The following PTS variants were observed in gnomAD, a reference collection of about 807,000 sequenced individuals.
The protein encoded by PTS is 6-pyruvoyl tetrahydrobiopterin synthase.
A neutral mutation model predicts 20.6 loss-of-function variants in PTS; 23 were observed. The observed-to-expected ratio is 1.12, with a 90% confidence interval of 0.80 to 1.58. PTS has a LOEUF of 1.58. Ranked by LOEUF, PTS falls within the 40% of genes most tolerant of loss-of-function variation. The pLI, the probability that PTS is intolerant of heterozygous loss-of-function variation, is 0.00. For synonymous variants in PTS, 65 were observed against 62.5 expected (o/e 1.04, Z -0.19); for missense variants, 186 against 182.4 (o/e 1.02, Z -0.11).
chr11:112,232,997 A>G (rs1248016690), intron 4 of PTS, among the ~76,000 whole-genome samples, 166 bp from the exon 5 acceptor site: 1 of 152,214 alleles, frequency 6.6e-6, no homozygotes, highest in Non-Finnish European at 1.5e-5. Context: ...ACTTTATTTT[A>G]CAACTTGAAA....
chr11:112,228,870 C>G, intron 2 of PTS, 197 bp downstream of exon 2: 1 of 615,578 alleles, frequency 1.6e-6, no homozygotes, highest in Admixed American at 2.9e-5. Flanking sequence ...CTTGCAATGT[C>G]AACTCTTACA....
chr11:112,233,609 T>A lies in PTS; in HGVS notation c.*54T>A. On this transcript the variant is annotated 3_prime_UTR_variant, in exon 6 of 6. Coordinates refer to ENST00000280362, the MANE Select transcript of PTS (RefSeq NM_000317.3). ...AGTTTCTTTCTGTGTTTGAAAAAGA[T>A]TTTGATCCCCTTGGAATATTAAGAG... 1.2e-6 allele frequency: 2 copies of A among 1,609,784 alleles called. No homozygotes were observed. The highest frequency in any genetic ancestry group is 8.5e-7 in the Non-Finnish European group (1 of 1,178,340).
At position 112,230,693 on chromosome 11, in the gene PTS, G is replaced by T; in HGVS notation, c.243+11G>T. The T allele has an allele frequency of 6.2e-7, 1 of 1,602,640 alleles. No individual in the cohort carries two copies. The highest frequency in any genetic ancestry group is 8.5e-7 in the Non-Finnish European group (1 of 1,169,618). Reference sequence around the variant, plus strand: ...AAAAAATATATGGAGGTAATGGCATGTTGGGTGCTTATTATGTGCTATTCC... The same window carrying T: ...AAAAAATATATGGAGGTAATGGCATTTTGGGTGCTTATTATGTGCTATTCC... On this transcript the variant is annotated intron_variant, in intron 4 of 5. Transcript: ENST00000280362.
chr11:112,227,666 G>C (rs535231580), intron 1 of PTS, among the ~76,000 whole-genome samples: 11 of 151,850 alleles, frequency 7.2e-5, no homozygotes, highest in African/African-American at 2.7e-4. Flanking sequence ...GAGAGGAGGT[G>C]CCAGGCTTTT....
chr11:112,226,519 T>C lies in PTS; in HGVS notation c.76T>C (p.Leu26=), dbSNP rs1405554143. The C allele has an allele frequency of 1.9e-6, 3 of 1,582,666 alleles. No individual in the cohort carries two copies. Among genetic ancestry groups the C allele is most frequent in the Admixed American group, 1.9e-5 (1 of 52,982 alleles). The change falls in exon 1 of 6, where the codon TTG becomes CTG. Residue 26 remains leucine, a synonymous_variant. Coordinates refer to ENST00000280362, the MANE Select transcript of PTS (RefSeq NM_000317.3). Reference sequence around the variant, plus strand: ...CATCTCCTTCAGCGCGAGCCACCGATTGTACAGGTAGGGTGTGCACACAGG... The same window carrying C: ...CATCTCCTTCAGCGCGAGCCACCGACTGTACAGGTAGGGTGTGCACACAGG... The part of the protein sequence containing the change: ...RRISFSASHR[L]YSKFLSDEEN...
chr11:112,230,676 T>C lies in PTS; in HGVS notation c.237T>C (p.Tyr79=), dbSNP rs766251710. The C allele has an allele frequency of 5.0e-6, 8 of 1,609,516 alleles. No individual in the cohort carries two copies. The highest frequency in any genetic ancestry group is 4.4e-5 in the South Asian group (4 of 91,000). The change falls in exon 4 of 6, where the codon TAT becomes TAC. Residue 79 remains tyrosine (Y), a synonymous_variant. Coordinates refer to ENST00000280362, the MANE Select transcript of PTS (RefSeq NM_000317.3). ...MVMNLADLKK[Y]MEEAIMQPLD... ...TGAATCTGGCTGATCTCAAAAAATA[T>C]ATGGAGGTAATGGCATGTTGGGTGC...
At chr11:112,227,352 A>C (rs766263620) in intron 1 of PTS, among the ~76,000 whole-genome samples, 1 of 152,078 alleles carries the variant, frequency 6.6e-6, no homozygotes. Flanking sequence ...GGGGTTTCCA[A>C]TCTGGCCTAT....
chr11:112,233,769 G>T lies in PTS; in HGVS notation c.*214G>T. 3 of 472,394 alleles carry T rather than the reference G, an allele frequency of 6.4e-6. No homozygotes were observed. Among genetic ancestry groups the T allele is most frequent in the South Asian group, 6.0e-5 (1 of 16,680 alleles). 29.3% of individuals were successfully genotyped at this position (472,394 alleles called of 1,614,324 possible). ...ATACATCCTGAAAATCATTTAGAGAGTCTTTTATTTATAAATTAAAAATCA... is the reference window on the plus strand; with the variant it reads ...ATACATCCTGAAAATCATTTAGAGATTCTTTTATTTATAAATTAAAAATCA... On this transcript the variant is annotated 3_prime_UTR_variant, in exon 6 of 6. Transcript: ENST00000280362.
rs76465815 is a variant in PTS, at chr11:112,230,776, T to A, written c.243+94T>A. The A allele has an allele frequency of 0.014, 15,052 of 1,104,934 alleles. 429 individuals are homozygous for A. Among genetic ancestry groups the A allele is most frequent in the African/African-American group, 0.11 (7,093 of 64,978 alleles). 68.4% of individuals were successfully genotyped at this position (1,104,934 alleles called of 1,614,324 possible). On this transcript the variant is annotated intron_variant, in intron 4 of 5. Coordinates refer to ENST00000280362, the MANE Select transcript of PTS (RefSeq NM_000317.3). ...CTCCCCAACCAGTTATCTCCTAAGG[T>A]TCCATGACTTTGTGAATAGAACTGG... is the stretch of plus-strand genomic sequence containing the variant.
Position 112,233,738 on chromosome 11 carries a change from T to G in PTS, c.*183T>G. On this transcript the variant is annotated 3_prime_UTR_variant, in exon 6 of 6. Coordinates refer to ENST00000280362, the MANE Select transcript of PTS (RefSeq NM_000317.3). Reference sequence around the variant, plus strand: ...ATTTAAGTCTATTTAAAACTAAACTTGTAATATACATCCTGAAAATCATTT... The same window carrying G: ...ATTTAAGTCTATTTAAAACTAAACTGGTAATATACATCCTGAAAATCATTT... 1.5e-6 allele frequency: 1 copy of G among 679,190 alleles called. No individual in the cohort carries two copies. The highest frequency in any genetic ancestry group is 2.1e-6 in the Non-Finnish European group (1 of 469,604). The allele number at this position is 679,190 out of a possible 1,614,324, so 42.1% of individuals were successfully genotyped here.
In PTS at chr11:112,227,867, G is replaced by T. The variant is rs1859885457; in HGVS notation, c.84-727G>T. On this transcript the variant is annotated intron_variant, in intron 1 of 5. Coordinates refer to ENST00000280362, the MANE Select transcript of PTS (RefSeq NM_000317.3). ...ACAAACATCCAAACTACATTGGGGG[G>T]AATAATAAAGAGGATCTCAAAAAAA... 3.6e-5 allele frequency among the ~76,000 whole-genome samples: 3 copies of T among 83,212 alleles called. No homozygotes were observed. The South Asian group carries it at 1.5e-3, about 41-fold the overall frequency. The allele number at this position is 83,212 out of a possible 152,430, so 54.6% of individuals were successfully genotyped here. A position where few individuals can be genotyped will look rare whatever the true frequency, so the allele number is the denominator to read the frequency against.
intron 5 of PTS, 39 bp downstream of exon 5, chr11:112,233,272 A>C: frequency 6.3e-7 from 1 of 1,587,384 alleles, no homozygotes; most frequent in Non-Finnish European, 8.7e-7. Flanking sequence ...GGATTGTAAA[A>C]CAAGAATTGA....
chr11:112,228,727 C>A, intron 2 of PTS, 54 bp downstream of exon 2: 1 of 1,480,738 alleles, frequency 6.8e-7, no homozygotes. Context: ...AAAGAGTATT[C>A]AGCAAATGTA....
Position 112,226,499 on chromosome 11 carries a change from C to G in PTS, c.56C>G (p.Ser19Cys), listed in dbSNP as rs1195669395. Residue 19 changes from serine (S) to cysteine (C), a missense_variant, in exon 1 of 6, where the codon TCC (serine) becomes TGC (cysteine). By Grantham distance (112) the Ser-to-Cys change is moderately radical. Coordinates refer to ENST00000280362, the MANE Select transcript of PTS (RefSeq NM_000317.3). The part of the protein sequence containing the change: ...RCQAQVSRRI[S>C]FSASHRLYSK... ...CAGGCACAAGTGTCCCGCCGCATCT[C>G]CTTCAGCGCGAGCCACCGATTGTAC... 12 of 1,586,304 alleles carry G rather than the reference C, an allele frequency of 7.6e-6. No homozygotes were observed. Among genetic ancestry groups the G allele is most frequent in the Admixed American group, 1.9e-5 (1 of 53,796 alleles).
chr11:112,229,623 C>G (rs1859905023), intron 2 of PTS: 1 of 156,398 alleles, frequency 6.4e-6, no homozygotes, highest in East Asian at 1.9e-4. Context: ...AACTCCAGAC[C>G]TCAGGTGATC....
At chr11:112,231,837 A>G (rs1363786581) in intron 4 of PTS, among the ~76,000 whole-genome samples, 1 of 127,022 alleles carries the variant, frequency 7.9e-6, no homozygotes, top group Non-Finnish European at 1.6e-5. Context: ...GCCAGCATGC[A>G]TTTATGGGGC....
intron 4 of PTS, among the ~76,000 whole-genome samples, chr11:112,231,361 C>T (rs1244962516): frequency 6.6e-6 from 1 of 152,186 alleles, no homozygotes; most frequent in Non-Finnish European, 1.5e-5. Context: ...AATTCTTGCA[C>T]TGTAAGAGAC....
intron 1 of PTS, among the ~76,000 whole-genome samples, chr11:112,227,165 T>G (rs1447798931): frequency 1.3e-5 from 2 of 151,900 alleles, no homozygotes; most frequent in Non-Finnish European, 2.9e-5. Context: ...GAGTTGATTT[T>G]GAGGAATTTT....
At position 112,229,383 on chromosome 11, in the gene PTS, G is replaced by GT. The variant is rs200372044; in HGVS notation, c.163+719dup. On this transcript the variant is annotated intron_variant, in intron 2 of 5. Transcript: ENST00000280362. ...TATTAATGTGTAAAGCACTGATAAA[G>GT]TTTTTTTTTGTTGTTGTTGTTTTTT... The GT allele has an allele frequency of 4.7e-3, 714 of 150,604 alleles. 1 individual carries two copies. The highest frequency in any genetic ancestry group is 0.016 in the African/African-American group (672 of 41,124). The allele number at this position is 150,604 out of a possible 1,614,324, so 9.3% of individuals were successfully genotyped here.
Sources: gnomAD v4.1 joint callset for allele counts (sites outside exome capture counted in the v4.1 genomes callset) on GRCh38, gnomAD v4.1.1 for gene constraint, MANE v1.5 for transcripts, NCBI Gene and HGNC (gene_info 2026-07-23, HGNC 2026-07-21) for gene names.